The following GTF2IRD2 variants were observed in gnomAD, a reference collection of about 807,000 sequenced individuals.
The protein encoded by GTF2IRD2 is general transcription factor II-I repeat domain-containing protein 2A.
Under a neutral mutation model 49.2 loss-of-function variants are expected in GTF2IRD2, and 8 were observed. The ratio of observed to expected loss-of-function variants is 0.16; its 90% CI spans 0.10 to 0.29. The LOEUF (loss-of-function observed/expected upper bound fraction) is 0.29, where lower values mean the gene tolerates loss of function less well. Ranked by LOEUF, GTF2IRD2 falls within the 10% of genes least tolerant of loss-of-function variation. The pLI, the probability that GTF2IRD2 is intolerant of heterozygous loss-of-function variation, is 1.00. For missense variants in GTF2IRD2, 130 were observed against 725.7 expected (o/e 0.18, Z 9.43); for synonymous variants, 47 against 289.7 (o/e 0.16, Z 8.51).
Position 74,797,389 on chromosome 7 carries a change from T to A in GTF2IRD2, c.2123A>T (p.Tyr708Phe), listed in dbSNP as rs1767274006. Residue 708 changes from tyrosine to phenylalanine, a missense_variant, in exon 16 of 16, where the codon TAC (tyrosine) becomes TTC (phenylalanine). Transcript: ENST00000451013. ...GCGACTGAGCCACTTAATCTCCGTG[T>A]AGTACAGGAGGCTACCATACTGGCT... is the stretch of plus-strand genomic sequence containing the variant. ...LDSQYGSLLY[Y>F]TEIKWLSRGL... The A allele has an allele frequency of 1.3e-6, 2 of 1,576,294 alleles. No homozygotes were observed. Among genetic ancestry groups the A allele is most frequent in the Non-Finnish European group, 1.7e-6 (2 of 1,148,980 alleles).
At chr7:74,846,741 C>T (rs1399833165) in intron 1 of GTF2IRD2, among the ~76,000 whole-genome samples, 167 of 60,388 alleles carry the variant, frequency 2.8e-3, no homozygotes, top group African/African-American at 8.5e-3. Context: ...ACAGAGTCTG[C>T]TCTGTCCTCC....
chr7:74,796,817 G>T lies in GTF2IRD2; in HGVS notation c.2695C>A (p.Pro899Thr). The T allele has an allele frequency of 1.8e-6, 1 of 555,682 alleles. No homozygotes were observed. Among genetic ancestry groups the T allele is most frequent in the Non-Finnish European group, 3.1e-6 (1 of 318,058 alleles). The allele number at this position is 555,682 out of a possible 1,614,324, so 34.4% of individuals were successfully genotyped here. A position where few individuals can be genotyped will look rare whatever the true frequency, so the allele number is the denominator to read the frequency against. ...TTTGCGCAATGGTGCTTGTATTTCGGGTAGCTACCCCAGAGGTACTTGTAG... is the reference window on the plus strand; with the variant it reads ...TTTGCGCAATGGTGCTTGTATTTCGTGTAGCTACCCCAGAGGTACTTGTAG... ...EFYKYLWGSYPKYKHHCAKIL... is the reference protein window; with the variant it reads ...EFYKYLWGSYTKYKHHCAKIL... The change falls in exon 16 of 16, where the codon CCG becomes ACG. Residue 899 changes from proline to threonine, a missense_variant. By Grantham distance (38) the Pro-to-Thr change is conservative (BLOSUM62 -1). Coordinates refer to ENST00000451013, the MANE Select transcript of GTF2IRD2 (RefSeq NM_173537.5).
chr7:74,807,200 C>T (rs1297989983), intron 11 of GTF2IRD2, among the ~76,000 whole-genome samples, 189 bp from the exon 12 acceptor site: 3 of 58,998 alleles, frequency 5.1e-5, no homozygotes, highest in African/African-American at 1.6e-4. Flanking sequence ...TCACTGCATC[C>T]TCGACCTCCC....
chr7:74,822,891 T>G, intron 4 of GTF2IRD2, 84 bp from the exon 5 acceptor site: 1 of 1,487,370 alleles, frequency 6.7e-7, no homozygotes, highest in Non-Finnish European at 9.0e-7. Context: ...TTTTTTGTTT[T>G]GTAGAAACAG....
chr7:74,834,397 A>AT (rs1800119621), intron 2 of GTF2IRD2, among the ~76,000 whole-genome samples: 1 of 57,800 alleles, frequency 1.7e-5, no homozygotes, highest in Non-Finnish European at 2.7e-5. Context: ...CTCCTGGCTA[A>AT]TTTTTTGTAT....
rs1326782274 is a variant in GTF2IRD2, at chr7:74,836,075, G to A, written c.99+205C>T. The stretch of plus-strand genomic sequence containing the variant: ...GCTGAGGCAGGAGAATTGCTTGAAC[G>A]CAGGAGAATTGCTTGAACCCAGGAG... On this transcript the variant is annotated intron_variant, in intron 2 of 15. Coordinates refer to ENST00000451013, the MANE Select transcript of GTF2IRD2 (RefSeq NM_173537.5). 2.4e-4 allele frequency among the ~76,000 whole-genome samples: 33 copies of A among 135,652 alleles called. 4 individuals are homozygous for A. Among genetic ancestry groups the A allele is most frequent in the African/African-American group, 5.5e-4 (15 of 27,082 alleles). The allele number at this position is 135,652 out of a possible 152,430, so 89.0% of individuals were successfully genotyped here. A position where few individuals can be genotyped will look rare whatever the true frequency, so the allele number is the denominator to read the frequency against.
chr7:74,842,674 T>C (rs1251698213), intron 1 of GTF2IRD2, among the ~76,000 whole-genome samples: 3 of 145,620 alleles, frequency 2.1e-5, no homozygotes, highest in Admixed American at 6.9e-5. Flanking sequence ...TGCTCCTGCC[T>C]CAGCCTCCAG....
chr7:74,829,801 T>C (rs1286561709), intron 3 of GTF2IRD2, among the ~76,000 whole-genome samples: 4 of 149,684 alleles, frequency 2.7e-5, no homozygotes, highest in Admixed American at 2.0e-4. Context: ...GGCAGGAGAA[T>C]GGCTTGAACC....
At chr7:74,802,149 G>GT (rs1271030591) in intron 14 of GTF2IRD2, 136 bp from the exon 15 acceptor site, 35 of 158,070 alleles carry the variant, frequency 2.2e-4, no homozygotes, top group East Asian at 6.0e-4. Flanking sequence ...TTTTGTTTTT[G>GT]TTTTTTTTGA....
chr7:74,806,435 G>A (rs1292049336), intron 12 of GTF2IRD2, among the ~76,000 whole-genome samples: 4 of 148,938 alleles, frequency 2.7e-5, no homozygotes, highest in East Asian at 2.0e-4. Context: ...TCAGCCTCCC[G>A]AGTAGCTGGG....
Position 74,826,699 on chromosome 7 carries a change from C to CTT in GTF2IRD2, c.239-1649_239-1648dup, listed in dbSNP as rs1175596623. 1.7e-3 allele frequency among the ~76,000 whole-genome samples: 28 copies of CTT among 16,600 alleles called. 2 individuals are homozygous for CTT. The highest frequency in any genetic ancestry group is 2.1e-3 in the Non-Finnish European group (21 of 10,154). The allele number at this position is 16,600 out of a possible 152,430, so 10.9% of individuals were successfully genotyped here. ...TTGCTGCAAAAGACATCATTTCATTCTTTTTTTTTTTTTTTTTTTTTTTTT... is the reference window on the plus strand; with the variant it reads ...TTGCTGCAAAAGACATCATTTCATTCTTTTTTTTTTTTTTTTTTTTTTTTTTT... On this transcript the variant is annotated intron_variant, in intron 3 of 15. Transcript: ENST00000451013.
chr7:74,824,096 G>A (rs1456595496), intron 4 of GTF2IRD2, among the ~76,000 whole-genome samples: 5 of 120,696 alleles, frequency 4.1e-5, no homozygotes, highest in Non-Finnish European at 1.7e-5. Context: ...AACCCGAGAG[G>A]CGGAGCTTGC....
intron 3 of GTF2IRD2, among the ~76,000 whole-genome samples, chr7:74,831,369 C>T (rs1181132905): frequency 6.0e-5 from 9 of 150,872 alleles, no homozygotes; most frequent in African/African-American, 1.9e-4. Flanking sequence ...TGTCTATATA[C>T]ATATGTATAT....
chr7:74,826,127 G>C (rs1799372331), intron 3 of GTF2IRD2, among the ~76,000 whole-genome samples: 1 of 151,230 alleles, frequency 6.6e-6, no homozygotes, highest in South Asian at 2.1e-4. Flanking sequence ...TGTTGGTGAA[G>C]TCTGGGGTTT....
At chr7:74,825,487 TCCTC>T (rs1257545489) in intron 3 of GTF2IRD2, among the ~76,000 whole-genome samples, 1 of 127,102 alleles carries the variant, frequency 7.9e-6, no homozygotes, top group African/African-American at 3.0e-5. Flanking sequence ...CCTCAAGTGA[TCCTC>T]CCATCTTAGC....
intron 3 of GTF2IRD2, among the ~76,000 whole-genome samples, chr7:74,825,804 T>G (rs1372675460): frequency 0.064 from 267 of 4,152 alleles, no homozygotes; most frequent in Non-Finnish European, 0.066. Flanking sequence ...TCTTTCTTCT[T>G]TTTTTTTTTT....
rs782659583 is a variant in GTF2IRD2 at position 74,844,355 on chromosome 7, GT to G, written c.-6+7011del. Among the ~76,000 whole-genome samples the G allele has an allele frequency of 7.6e-5, 3 of 39,722 alleles. 1 individual carries two copies. The highest frequency in any genetic ancestry group is 1.3e-4 in the Non-Finnish European group (3 of 22,878). 26.1% of individuals were successfully genotyped at this position (39,722 alleles called of 152,430 possible). On this transcript the variant is annotated intron_variant, in intron 1 of 15. Coordinates refer to ENST00000451013, the MANE Select transcript of GTF2IRD2 (RefSeq NM_173537.5). ...GTAAACTAGACTAGATGAGGATTAT[GT>G]TTTTTTTATTTATTTATTTATTTAT...
intron 2 of GTF2IRD2, among the ~76,000 whole-genome samples, chr7:74,836,016 G>A (rs1800279590): frequency 7.7e-6 from 1 of 130,646 alleles, no homozygotes; most frequent in South Asian, 2.3e-4. Context: ...GCTGGATGTG[G>A]TGGCTGGTGC....
At chr7:74,809,979 A>G (rs1457818476) in intron 10 of GTF2IRD2, among the ~76,000 whole-genome samples, 2 of 50,112 alleles carry the variant, frequency 4.0e-5, no homozygotes, top group African/African-American at 1.2e-4. Context: ...TTTTTAGTAG[A>G]GACAGGGTAT....
Sources: allele counts gnomAD v4.1 joint callset (sites outside exome capture counted in the v4.1 genomes callset), GRCh38; gene constraint gnomAD v4.1.1; transcripts MANE v1.5; gene names NCBI Gene and HGNC (gene_info 2026-07-23, HGNC 2026-07-21).